CDYL: variants seen among roughly 807,000 people sequenced by gnomAD.
CDYL encodes the protein chromodomain Y like, also known as chromodomain Y-like protein.
Under a neutral mutation model 47.3 loss-of-function variants are expected in CDYL, and 8 were observed. The ratio of observed to expected loss-of-function variants is 0.17; its 90% confidence interval spans 0.10 to 0.31. CDYL has a LOEUF of 0.31. CDYL is among the 10% of genes least tolerant of loss of function. The pLI is 1.00. For synonymous variants in CDYL, 266 were observed against 265.0 expected, an observed-to-expected ratio of 1.00 and a Z score of -0.04; for missense variants, 471 against 701.4, an observed-to-expected ratio of 0.67 and a Z score of 3.71.
In CDYL at chr6:4,935,330, G is replaced by C. The variant is rs111359614; in HGVS notation, c.692-185G>C. ...ACAAAAGAGTGACTTTCTTGTCAGA[G>C]CTTGAAAGAGAGCAAGTGGCTTTAA... On this transcript the variant is annotated intron_variant, in intron 2 of 6. Transcript: ENST00000397588. Among the ~76,000 whole-genome samples, 421 of 152,318 alleles carry C rather than the reference G, an allele frequency of 2.8e-3. 2 individuals carry two copies. The highest frequency in any genetic ancestry group is 7.5e-3 in the African/African-American group (311 of 41,558).
chr6:4,835,804 C>T (rs546657278), intron 1 of CDYL, among the ~76,000 whole-genome samples: 15 of 152,280 alleles, frequency 9.9e-5, no homozygotes, highest in East Asian at 3.9e-4. Context: ...CTCCCAGCCT[C>T]GTTGCCGCCT....
intron 3 of CDYL, among the ~76,000 whole-genome samples, chr6:4,751,863 A>C (rs933237952): frequency 6.6e-6 from 1 of 152,232 alleles, no homozygotes; most frequent in Non-Finnish European, 1.5e-5. Context: ...TTTATCTTTC[A>C]CAAGTTGAAG....
At chr6:4,953,403 AT>A (rs917231622) in intron 6 of CDYL, among the ~76,000 whole-genome samples, 4 of 151,638 alleles carry the variant, frequency 2.6e-5, no homozygotes, top group African/African-American at 7.3e-5. Flanking sequence ...ACCACAAATA[AT>A]TTTTTTTTAA....
intron 2 of CDYL, chr6:4,734,678 G>A: frequency 1.9e-6 from 3 of 1,572,396 alleles, no homozygotes; most frequent in Non-Finnish European, 2.6e-6. Flanking sequence ...ATGGGAAGTT[G>A]GGGGATGGGG....
At chr6:4,930,734 CT>C (rs1758008858) in intron 2 of CDYL, among the ~76,000 whole-genome samples, 2 of 152,290 alleles carry the variant, frequency 1.3e-5, no homozygotes, top group Non-Finnish European at 1.5e-5. Flanking sequence ...TGAGGATATC[CT>C]TTTTGCTCTT....
chr6:4,920,469 G>A (rs775846654), intron 2 of CDYL, among the ~76,000 whole-genome samples: 45 of 152,164 alleles, frequency 3.0e-4, no homozygotes, highest in African/African-American at 4.3e-4. Flanking sequence ...CCAGTGAGAC[G>A]GGACTCTGCT....
At chr6:4,765,709 G>T (rs372326610) in intron 3 of CDYL, among the ~76,000 whole-genome samples, 1 of 151,958 alleles carries the variant, frequency 6.6e-6, no homozygotes, top group East Asian at 1.9e-4. Flanking sequence ...GACTACAAGT[G>T]CATGCCACCA....
intron 2 of CDYL, among the ~76,000 whole-genome samples, chr6:4,903,973 G>A (rs1261005815): frequency 6.6e-6 from 1 of 152,216 alleles, no homozygotes; most frequent in East Asian, 1.9e-4. Flanking sequence ...GCTTGGCATT[G>A]CAGAGCCCCT....
upstream of CDYL, among the ~76,000 whole-genome samples, chr6:4,776,181 G>A (rs1435396209): frequency 2.8e-5 from 1 of 35,346 alleles, no homozygotes; most frequent in Non-Finnish European, 6.5e-5. Flanking sequence ...TCGCGGCCCC[G>A]CCCCCGACTG....
At chr6:4,713,016 G>A (rs1003191965) in intron 1 of CDYL, among the ~76,000 whole-genome samples, 2 of 152,218 alleles carry the variant, frequency 1.3e-5, no homozygotes, top group South Asian at 4.1e-4. Flanking sequence ...GTGGTGGTAT[G>A]CACCTGTAGA....
At chr6:4,944,039 A>G (rs1758441054) in intron 5 of CDYL, among the ~76,000 whole-genome samples, 2 of 152,228 alleles carry the variant, frequency 1.3e-5, no homozygotes, top group Non-Finnish European at 2.9e-5. Flanking sequence ...TTGCAATTGA[A>G]AAGTTCTTCA....
chr6:4,949,825 G>A (rs1206131573), intron 5 of CDYL, among the ~76,000 whole-genome samples: 1 of 152,184 alleles, frequency 6.6e-6, no homozygotes, highest in Non-Finnish European at 1.5e-5. Context: ...GTTTTCTTGG[G>A]TGACTGTCGT....
intron 1 of CDYL, among the ~76,000 whole-genome samples, chr6:4,825,114 G>A (rs182205215): frequency 6.6e-6 from 1 of 152,050 alleles, no homozygotes; most frequent in South Asian, 2.1e-4. Context: ...CAGGTGATCC[G>A]CCAGCCTCGG....
Position 4,734,695 on chromosome 6 carries a change from G to A in CDYL, c.104-67G>A, listed in dbSNP as rs1057414174. 1.1e-5 allele frequency: 18 copies of A among 1,595,330 alleles called. No individual in the cohort carries two copies. In the Admixed American group the frequency reaches 2.9e-4, roughly 26 times the overall value. ...GGGAAGTTGGGGGATGGGGATGGAG[G>A]GAAGATGGGGATGGGGAAGAGGATG... On this transcript the variant is annotated intron_variant, in intron 2 of 8. Transcript: ENST00000328908.
At chr6:4,844,029 G>A (rs926923586) in intron 1 of CDYL, among the ~76,000 whole-genome samples, 5 of 152,302 alleles carry the variant, frequency 3.3e-5, no homozygotes, top group South Asian at 4.1e-4. Flanking sequence ...CTCCCTTGAT[G>A]TGATACTCTC....
intron 2 of CDYL, among the ~76,000 whole-genome samples, chr6:4,921,937 G>A (rs1478750117): frequency 6.6e-6 from 1 of 152,128 alleles, no homozygotes; most frequent in Admixed American, 6.5e-5. Flanking sequence ...CCGTGGAGAG[G>A]TTTCTTGTCA....
At chr6:4,758,563 T>G (rs1294135414) in intron 3 of CDYL, among the ~76,000 whole-genome samples, 1 of 151,604 alleles carries the variant, frequency 6.6e-6, no homozygotes, top group Non-Finnish European at 1.5e-5. Flanking sequence ...CTTGGGAGGC[T>G]GAGGCACGAG....
intron 1 of CDYL, among the ~76,000 whole-genome samples, chr6:4,858,198 A>G (rs808611): frequency 0.43 from 65,336 of 151,958 alleles, 15,934 homozygotes; most frequent in African/African-American, 0.67. Context: ...AGGCTTTAAA[A>G]AGATTTTTTT....
intron 1 of CDYL, among the ~76,000 whole-genome samples, chr6:4,847,930 A>G (rs544341092): frequency 2.0e-5 from 3 of 152,280 alleles, no homozygotes; most frequent in Non-Finnish European, 4.4e-5. Context: ...GGATTGCCAT[A>G]AGGTTGGTTA....
Sources: allele counts gnomAD v4.1 joint callset (sites outside exome capture counted in the v4.1 genomes callset), GRCh38; gene constraint gnomAD v4.1.1; transcripts MANE v1.5; gene names NCBI Gene and HGNC (gene_info 2026-07-23, HGNC 2026-07-21).